Variants in AHRR observed in about 807,000 individuals in gnomAD.
AHRR encodes aryl hydrocarbon receptor repressor.
AHRR carries 28 observed loss-of-function variants against 44.0 expected under a neutral mutation model. That is an observed-to-expected ratio of 0.64 (90% CI 0.47 to 0.87). AHRR has a LOEUF of 0.87. AHRR is among the 40% of genes least tolerant of loss of function. The pLI is 0.00. For missense variants in AHRR, 990 were observed against 953.9 expected, an observed-to-expected ratio of 1.04 and a Z score of -0.50; for synonymous variants, 434 against 407.0, an observed-to-expected ratio of 1.07 and a Z score of -0.80.
intron 4 of AHRR, among the ~76,000 whole-genome samples, chr5:407,341 C>T (rs1225782698): frequency 3.9e-5 from 6 of 152,056 alleles, no homozygotes; most frequent in Non-Finnish European, 8.8e-5. Flanking sequence ...TTTTGTGTCT[C>T]GAGATGTTTT....
rs916711878 is a variant in AHRR, at chr5:375,659, C to T, written c.245-951C>T. ...TGACTTCAGCTGAGGATCCGGGAGA[C>T]GCGGGAGCAGCAGATGCCCCCCCGG... On this transcript the variant is annotated intron_variant, in intron 3 of 10. Coordinates refer to ENST00000684583, the MANE Select transcript of AHRR (RefSeq NM_001377236.1). Among the ~76,000 whole-genome samples, 9 of 152,330 alleles carry T rather than the reference C, an allele frequency of 5.9e-5. 1 individual carries two copies. Among genetic ancestry groups the T allele is most frequent in the Admixed American group, 3.3e-4 (5 of 15,306 alleles).
At chr5:366,356 G>T (rs555989705) in intron 3 of AHRR, among the ~76,000 whole-genome samples, 4 of 152,220 alleles carry the variant, frequency 2.6e-5, no homozygotes, top group Non-Finnish European at 5.9e-5. Context: ...GACAATTTCA[G>T]CATTAAAATG....
intron 1 of AHRR, among the ~76,000 whole-genome samples, chr5:324,207 G>A (rs1741620745): frequency 6.6e-6 from 1 of 151,216 alleles, no homozygotes; most frequent in South Asian, 2.1e-4. Context: ...CTACAGGTGT[G>A]AGCCACCACA....
At chr5:424,449 C>T (rs552540275) in intron 7 of AHRR, among the ~76,000 whole-genome samples, 3 of 148,814 alleles carry the variant, frequency 2.0e-5, no homozygotes, top group African/African-American at 7.8e-5. Context: ...GGGGTGTTAA[C>T]CCATGTGTCT....
chr5:435,070 C>T lies in AHRR; in HGVS notation c.*236C>T, dbSNP rs1229159829. The T allele has an allele frequency of 3.6e-6, 2 of 554,670 alleles. No individual in the cohort carries two copies. Among genetic ancestry groups the T allele is most frequent in the African/African-American group, 1.9e-5 (1 of 53,060 alleles). 34.4% of individuals were successfully genotyped at this position (554,670 alleles called of 1,614,324 possible). A position where few individuals can be genotyped will look rare whatever the true frequency, so the allele number is the denominator to read the frequency against. On this transcript the variant is annotated 3_prime_UTR_variant, in exon 11 of 11. Coordinates refer to ENST00000684583, the MANE Select transcript of AHRR (RefSeq NM_001377236.1). ...TGGCCTTAAGTCTATTCAAGCATGACAGCATTTCTCTTTGAGGAATTAAAA... is the reference window on the plus strand; with the variant it reads ...TGGCCTTAAGTCTATTCAAGCATGATAGCATTTCTCTTTGAGGAATTAAAA...
intron 3 of AHRR, among the ~76,000 whole-genome samples, chr5:369,569 CTT>C (rs1743495543): frequency 6.6e-6 from 1 of 152,244 alleles, no homozygotes; most frequent in Non-Finnish European, 1.5e-5. Context: ...CGCTCTGAGT[CTT>C]TGTCACCTGC....
At chr5:345,362 G>A (rs1478140696) in intron 2 of AHRR, among the ~76,000 whole-genome samples, 2 of 113,024 alleles carry the variant, frequency 1.8e-5, no homozygotes, top group Non-Finnish European at 3.3e-5. Flanking sequence ...GTCGGATGAT[G>A]TCCCTGGCTG....
At chr5:347,267 C>T (rs1742710168) in intron 2 of AHRR, among the ~76,000 whole-genome samples, 3 of 152,154 alleles carry the variant, frequency 2.0e-5, no homozygotes, top group African/African-American at 7.2e-5. Flanking sequence ...AACTTGGAAA[C>T]TAGGGAAATT....
At chr5:414,135 C>G (rs1431537103) in intron 5 of AHRR, among the ~76,000 whole-genome samples, 2 of 152,048 alleles carry the variant, frequency 1.3e-5, no homozygotes, top group African/African-American at 4.8e-5. Context: ...TGGTGGCGTG[C>G]ACCCGTAGTC....
chr5:378,985 G>A (rs931491349), intron 4 of AHRR, among the ~76,000 whole-genome samples: 13 of 152,178 alleles, frequency 8.5e-5, no homozygotes, highest in Non-Finnish European at 1.5e-4. Flanking sequence ...GACTGCCACC[G>A]TCATGAAGAT....
intron 3 of AHRR, chr5:367,745 C>G (rs1485733927): frequency 3.0e-6 from 2 of 670,478 alleles, no homozygotes; most frequent in African/African-American, 3.5e-5. Context: ...TGCTCGTTCT[C>G]TCCTAGTGCT....
intron 10 of AHRR, 113 bp from the exon 11 acceptor site, chr5:433,740 T>C: frequency 8.0e-7 from 1 of 1,248,412 alleles, no homozygotes. Flanking sequence ...GTAGCAGCCT[T>C]GGCAGATTTA....
Position 383,567 on chromosome 5 carries a change from T to C in AHRR, c.351+6851T>C, listed in dbSNP as rs10044319. On this transcript the variant is annotated intron_variant, in intron 4 of 10. Coordinates refer to ENST00000684583, the MANE Select transcript of AHRR (RefSeq NM_001377236.1). This position sits in a 1 kb window ranked among gnomAD's most constrained non-coding sequence, Gnocchi z 4.0. ...ATAGCATTCCAGCTTTCTTTTCTTT[T>C]TTTTTTTTTAATACAGACAGGGTCT... Among the ~76,000 whole-genome samples the C allele has an allele frequency of 0.07, 10,667 of 151,838 alleles. 495 individuals carry two copies. The highest frequency in any genetic ancestry group is 0.12 in the African/African-American group (5,062 of 41,366).
chr5:428,086 G>T (rs1285337605), intron 8 of AHRR, 80 bp downstream of exon 8: 66 of 1,443,628 alleles, frequency 4.6e-5, no homozygotes, highest in Admixed American at 6.0e-5. Context: ...AGTGTTTTCT[G>T]TGTCTTCTTT....
At position 432,787 on chromosome 5, in the gene AHRR, C is replaced by T. The variant is rs766508755; in HGVS notation, c.971-19C>T. 2 of 1,613,790 alleles carry T rather than the reference C, an allele frequency of 1.2e-6. No individual in the cohort carries two copies. The highest frequency in any genetic ancestry group is 2.7e-5 in the African/African-American group (2 of 74,920). On this transcript the variant is annotated intron_variant, in intron 9 of 10. Coordinates refer to ENST00000684583, the MANE Select transcript of AHRR (RefSeq NM_001377236.1). Reference sequence around the variant, plus strand: ...CAGCTCGCACCGTGACGGCTTCCCCCCCCTCTAAACCCCAACAGGAAGGAG... The same window carrying T: ...CAGCTCGCACCGTGACGGCTTCCCCTCCCTCTAAACCCCAACAGGAAGGAG...
chr5:392,792 T>G (rs1304693481), intron 4 of AHRR, among the ~76,000 whole-genome samples: 10 of 152,160 alleles, frequency 6.6e-5, no homozygotes, highest in Non-Finnish European at 1.5e-4. Flanking sequence ...CGTCATTTCA[T>G]CAGGCCTTAC....
At position 376,606 on chromosome 5, in the gene AHRR, A is replaced by G. The variant is rs1733708624; in HGVS notation, c.245-4A>G. The G allele has an allele frequency of 6.3e-7, 1 of 1,586,492 alleles. No individual in the cohort carries two copies. The highest frequency in any genetic ancestry group is 1.4e-5 in the African/African-American group (1 of 73,766). On this transcript the variant is annotated splice_region_variant and splice_polypyrimidine_tract_variant and intron_variant, in intron 3 of 10. Transcript: ENST00000684583. The stretch of plus-strand genomic sequence containing the variant: ...TGCCTAATGTGTCTTTTCTTCTCTG[A>G]CAGTCGTGCAGGAGCAGAGCTCACG...
intron 10 of AHRR, among the ~76,000 whole-genome samples, chr5:433,442 T>G (rs1292785754): frequency 6.6e-6 from 1 of 152,242 alleles, no homozygotes. Flanking sequence ...GGTGTCCTGT[T>G]GGTCAGCAGC....
intron 3 of AHRR, among the ~76,000 whole-genome samples, chr5:356,084 T>G (rs1198846088): frequency 6.6e-6 from 1 of 152,124 alleles, no homozygotes; most frequent in African/African-American, 2.4e-5. Flanking sequence ...TGAACCAGGG[T>G]GATGATGGCC....
Sources: gnomAD v4.1 joint callset for allele counts (sites outside exome capture counted in the v4.1 genomes callset) on GRCh38, gnomAD v4.1.1 for gene constraint, Gnocchi (gnomAD v3.1) non-coding constraint, MANE v1.5 for transcripts, NCBI Gene and HGNC (gene_info 2026-07-23, HGNC 2026-07-21) for gene names.